The following COL5A2 variants were observed in gnomAD, a reference collection of about 807,000 sequenced individuals.
COL5A2 encodes the protein collagen alpha-2(V) chain.
A neutral mutation model predicts 208.2 loss-of-function variants in COL5A2; 23 were observed. That is an observed-to-expected ratio of 0.11 (90% CI 0.08 to 0.16). COL5A2 has a LOEUF of 0.16. COL5A2 is among the 10% of genes least tolerant of loss of function. The pLI is 1.00. For missense variants in COL5A2, 1,590 were observed against 1,956.4 expected (o/e 0.81, Z 3.53); for synonymous variants, 625 against 628.5 (o/e 0.99, Z 0.08).
chr2:189,404,763 C>A, the COL5A2 span, among the ~76,000 whole-genome samples: 8 of 152,200 alleles, frequency 5.3e-5, no homozygotes, highest in African/African-American at 1.4e-4. Flanking sequence ...AGGACTCATA[C>A]ATCCAGAGGT....
rs1292497143 is a variant in COL5A2, at chr2:189,092,495, C to A, written c.457-75G>T. 3 of 871,240 alleles carry A rather than the reference C, an allele frequency of 3.4e-6. No individual in the cohort carries two copies. In the African/African-American group the frequency reaches 5.0e-5, roughly 15 times the overall value. 54.0% of individuals were successfully genotyped at this position (871,240 alleles called of 1,614,324 possible). Reference sequence around the variant, plus strand: ...AGTAGAAAGCTAAAGGCACAGACTTCTTAATGGCAAGGGAGTGTTTATTAT... The same window carrying A: ...AGTAGAAAGCTAAAGGCACAGACTTATTAATGGCAAGGGAGTGTTTATTAT... On this transcript the variant is annotated intron_variant, in intron 6 of 53. Coordinates refer to ENST00000374866, the MANE Select transcript of COL5A2 (RefSeq NM_000393.5).
the COL5A2 span, among the ~76,000 whole-genome samples, chr2:189,242,686 T>C: frequency 6.6e-6 from 1 of 152,214 alleles, no homozygotes; most frequent in Non-Finnish European, 1.5e-5. Context: ...AGTTACCACA[T>C]GATATTAAGT....
chr2:189,328,149 C>A, the COL5A2 span, among the ~76,000 whole-genome samples: 1 of 152,126 alleles, frequency 6.6e-6, no homozygotes, highest in Non-Finnish European at 1.5e-5. Context: ...GCGATTCCAA[C>A]AAAAAATAAC....
At chr2:189,130,336 G>C (rs1687686756) in intron 1 of COL5A2, among the ~76,000 whole-genome samples, 1 of 152,032 alleles carries the variant, frequency 6.6e-6, no homozygotes, top group Admixed American at 6.5e-5. Flanking sequence ...CAGGATTTGA[G>C]TTTTGATATA....
chr2:189,055,308 G>T (rs1007449711), intron 35 of COL5A2, among the ~76,000 whole-genome samples: 1 of 152,196 alleles, frequency 6.6e-6, no homozygotes, highest in African/African-American at 2.4e-5. Context: ...GCTAACACAT[G>T]GGGACACAAC....
intron 1 of COL5A2, among the ~76,000 whole-genome samples, chr2:189,201,311 T>G (rs1689065304): frequency 6.6e-6 from 1 of 151,852 alleles, no homozygotes; most frequent in African/African-American, 2.4e-5. Context: ...TAATAATAAG[T>G]CCATGAAATG....
the COL5A2 span, among the ~76,000 whole-genome samples, chr2:189,328,335 A>G: frequency 6.6e-6 from 1 of 151,810 alleles, no homozygotes; most frequent in Non-Finnish European, 1.5e-5. Context: ...CCAAAGTTAA[A>G]AACACATGTT....
the COL5A2 span, among the ~76,000 whole-genome samples, chr2:189,281,385 G>A: frequency 1.9e-4 from 29 of 152,248 alleles, no homozygotes; most frequent in African/African-American, 6.7e-4. Context: ...GAATAATTAG[G>A]AGAGAACCAT....
At chr2:189,403,284 T>A in the COL5A2 span, among the ~76,000 whole-genome samples, 1 of 152,232 alleles carries the variant, frequency 6.6e-6, no homozygotes, top group African/African-American at 2.4e-5. Context: ...TTGGCGAAAT[T>A]GCTTATCAGC....
At chr2:189,286,492 T>C in the COL5A2 span, among the ~76,000 whole-genome samples, 1 of 151,950 alleles carries the variant, frequency 6.6e-6, no homozygotes, top group Non-Finnish European at 1.5e-5. Context: ...GGTTGAAGTA[T>C]TGCTTTATTT....
the COL5A2 span, among the ~76,000 whole-genome samples, chr2:189,360,711 A>G: frequency 6.6e-6 from 1 of 152,160 alleles, no homozygotes; most frequent in Non-Finnish European, 1.5e-5. Context: ...TACTACACCT[A>G]TCCATCATCT....
the COL5A2 span, among the ~76,000 whole-genome samples, chr2:189,331,654 A>G: frequency 6.6e-6 from 1 of 152,156 alleles, no homozygotes; most frequent in South Asian, 2.1e-4. Flanking sequence ...AGCCATGTGG[A>G]ACTATAAGTC....
chr2:189,181,125 C>T (rs753912942), upstream of COL5A2, among the ~76,000 whole-genome samples: 5 of 152,014 alleles, frequency 3.3e-5, no homozygotes, highest in Admixed American at 6.6e-5. Context: ...GCATTAAGCC[C>T]GGAGAAAGGA....
intron 1 of COL5A2, among the ~76,000 whole-genome samples, chr2:189,147,832 T>C (rs1232172535): frequency 6.6e-6 from 1 of 151,960 alleles, no homozygotes; most frequent in Non-Finnish European, 1.5e-5. Flanking sequence ...CCCAGCAAAG[T>C]CCCAAGGGTA....
chr2:189,218,886 A>C (rs886115055), intron 1 of COL5A2, among the ~76,000 whole-genome samples: 2 of 152,212 alleles, frequency 1.3e-5, no homozygotes, highest in Non-Finnish European at 2.9e-5. Context: ...CAGAAAAAAA[A>C]AATGAACTTC....
chr2:189,110,381 G>T lies in COL5A2; in HGVS notation c.166C>A (p.Pro56Thr). The T allele has an allele frequency of 3.7e-6, 6 of 1,614,140 alleles. No homozygotes were observed. The highest frequency in any genetic ancestry group is 5.1e-6 in the Non-Finnish European group (6 of 1,180,008). Reference sequence around the variant, plus strand: ...CAGACACAGATCTGACAAGGGGCAGGTTTCCAAATGTCCCTGTTTAAGTAC... The same window carrying T: ...CAGACACAGATCTGACAAGGGGCAGTTTTCCAAATGTCCCTGTTTAAGTAC... Reference protein sequence around the residue: ...QMYLNRDIWKPAPCQICVCDN... With the variant: ...QMYLNRDIWKTAPCQICVCDN... Residue 56 changes from proline (P) to threonine (T), a missense_variant, in exon 2 of 54, where the codon CCT becomes ACT. Coordinates refer to ENST00000374866, the MANE Select transcript of COL5A2 (RefSeq NM_000393.5).
chr2:189,153,610 T>C (rs1688187944), intron 1 of COL5A2, among the ~76,000 whole-genome samples: 1 of 152,176 alleles, frequency 6.6e-6, no homozygotes, highest in Non-Finnish European at 1.5e-5. Flanking sequence ...GGTGATAAGC[T>C]TGGGTGTGCA....
chr2:189,404,157 C>T, the COL5A2 span, among the ~76,000 whole-genome samples: 8 of 152,244 alleles, frequency 5.3e-5, 1 homozygote, highest in Admixed American at 5.2e-4. Flanking sequence ...CTTGACTGAG[C>T]TAAGGAATGC....
chr2:189,075,967 C>T (rs1336603513), intron 16 of COL5A2, among the ~76,000 whole-genome samples: 1 of 152,136 alleles, frequency 6.6e-6, no homozygotes. Flanking sequence ...AGGGAATTAG[C>T]TCTCTCAAGA....
Sources: allele counts gnomAD v4.1 joint callset (sites outside exome capture counted in the v4.1 genomes callset), GRCh38; gene constraint gnomAD v4.1.1; transcripts MANE v1.5; gene names NCBI Gene and HGNC (gene_info 2026-07-23, HGNC 2026-07-21).